The following FMNL2 variants were observed in gnomAD, a reference collection of about 807,000 sequenced individuals.
The protein encoded by FMNL2 is formin like 2.
FMNL2 carries 51 observed loss-of-function variants against 130.2 expected under a neutral mutation model. That is an observed-to-expected ratio of 0.39 (90% CI 0.31 to 0.49). The LOEUF (loss-of-function observed/expected upper bound fraction) is 0.49. FMNL2 is among the 20% of genes least tolerant of loss of function. FMNL2 has a pLI of 0.85. For missense variants in FMNL2, 977 were observed against 1,316.2 expected, an observed-to-expected ratio of 0.74 and a Z score of 3.99; for synonymous variants, 465 against 467.1, an observed-to-expected ratio of 1.00 and a Z score of 0.06.
Position 152,335,579 on chromosome 2 carries a change from C to T in FMNL2, c.-25C>T, listed in dbSNP as rs755379053. The T allele has an allele frequency of 1.3e-6, 2 of 1,561,918 alleles. No individual in the cohort carries two copies. The highest frequency in any genetic ancestry group is 1.1e-5 in the South Asian group (1 of 88,530). On this transcript the variant is annotated 5_prime_UTR_variant, in exon 1 of 26. Coordinates refer to ENST00000288670, the MANE Select transcript of FMNL2 (RefSeq NM_052905.4). The stretch of plus-strand genomic sequence containing the variant: ...CGCGCACGCTAGGGGCCCGGAGCAG[C>T]CCCCGGCCCCGGCGCGCCGCCGACA...
At chr2:152,434,134 T>C (rs565419130) in intron 1 of FMNL2, among the ~76,000 whole-genome samples, 1 of 152,268 alleles carries the variant, frequency 6.6e-6, no homozygotes, top group Admixed American at 6.5e-5. Flanking sequence ...CTCTTCAAAT[T>C]ATTGAAAGTT....
chr2:152,606,016 A>C (rs1054178878), intron 9 of FMNL2, among the ~76,000 whole-genome samples: 1 of 152,252 alleles, frequency 6.6e-6, no homozygotes, highest in African/African-American at 2.4e-5. Context: ...CTTACAATGT[A>C]CTAAGCATTG....
intron 13 of FMNL2, among the ~76,000 whole-genome samples, chr2:152,617,764 G>T (rs892746868): frequency 2.6e-5 from 4 of 152,196 alleles, no homozygotes; most frequent in Admixed American, 2.0e-4. Context: ...TATTTATGGA[G>T]TGCCATCCCT....
chr2:152,489,798 G>A (rs1691040184), intron 1 of FMNL2, among the ~76,000 whole-genome samples: 1 of 152,158 alleles, frequency 6.6e-6, no homozygotes, highest in Non-Finnish European at 1.5e-5. Flanking sequence ...TTCATCTTGA[G>A]CTGAGGAGAT....
chr2:152,506,616 T>C (rs1250306425), intron 1 of FMNL2, among the ~76,000 whole-genome samples: 2 of 152,078 alleles, frequency 1.3e-5, no homozygotes, highest in Non-Finnish European at 2.9e-5. Flanking sequence ...TGCGGGAAAG[T>C]AGTAATATCA....
chr2:152,517,438 C>A (rs1489286822), intron 1 of FMNL2, among the ~76,000 whole-genome samples: 1 of 152,124 alleles, frequency 6.6e-6, no homozygotes, highest in Non-Finnish European at 1.5e-5. Flanking sequence ...TCTTGAAGCA[C>A]TCAGTCCAGT....
intron 1 of FMNL2, among the ~76,000 whole-genome samples, chr2:152,454,119 C>CAA (rs112585417): frequency 6.6e-6 from 1 of 151,828 alleles, no homozygotes; most frequent in South Asian, 2.1e-4. Context: ...GCTAAAAATA[C>CAA]AAAAAAATTT....
At chr2:152,432,633 C>T (rs949987258) in intron 1 of FMNL2, among the ~76,000 whole-genome samples, 2 of 152,202 alleles carry the variant, frequency 1.3e-5, no homozygotes, top group African/African-American at 4.8e-5. Flanking sequence ...ATAGACTTCC[C>T]TGCCATTGCA....
chr2:152,531,433 G>A (rs1001857622), intron 2 of FMNL2, among the ~76,000 whole-genome samples: 2 of 152,004 alleles, frequency 1.3e-5, no homozygotes, highest in African/African-American at 2.4e-5. Flanking sequence ...AATTTGAAGG[G>A]GTGTTTGTGT....
chr2:152,367,572 A>G (rs1345041590), intron 1 of FMNL2, among the ~76,000 whole-genome samples: 2 of 152,180 alleles, frequency 1.3e-5, no homozygotes, highest in South Asian at 2.1e-4. Flanking sequence ...GAGCACTGGT[A>G]ATTTGTAGAA....
At position 152,375,877 on chromosome 2, in the gene FMNL2, C is replaced by CTCTCTCTCTCTCTCTATATA. The variant is rs796954245; in HGVS notation, c.117+40158_117+40159insCTCTCTCTCTCTCTATATAT. 1.6e-4 allele frequency among the ~76,000 whole-genome samples: 18 copies of CTCTCTCTCTCTCTCTATATA among 112,480 alleles called. No homozygotes were observed. The East Asian group carries it at 5.5e-3, about 34-fold the overall frequency. 73.8% of individuals were successfully genotyped at this position (112,480 alleles called of 152,430 possible). ...TCTCTCTCTCTCTCTCTCTCTCTCT[C>CTCTCTCTCTCTCTCTATATA]TATATATATATATATATATAATTAT... On this transcript the variant is annotated intron_variant, in intron 1 of 25. Transcript: ENST00000288670.
chr2:152,479,181 T>C (rs970052191), intron 1 of FMNL2, among the ~76,000 whole-genome samples: 1 of 152,198 alleles, frequency 6.6e-6, no homozygotes, highest in Non-Finnish European at 1.5e-5. Flanking sequence ...TCGAGTTCAC[T>C]GATGTGATCA....
At chr2:152,611,136 T>C (rs1343220170) in intron 10 of FMNL2, among the ~76,000 whole-genome samples, 1 of 152,104 alleles carries the variant, frequency 6.6e-6, no homozygotes, top group Non-Finnish European at 1.5e-5. Context: ...GTCAGGTGTT[T>C]GAGACCAGCC....
chr2:152,570,493 G>A (rs1203133669), intron 6 of FMNL2, among the ~76,000 whole-genome samples: 1 of 152,144 alleles, frequency 6.6e-6, no homozygotes, highest in African/African-American at 2.4e-5. Context: ...CTGTCTCTGG[G>A]AAGCCCTTCT....
intron 1 of FMNL2, among the ~76,000 whole-genome samples, chr2:152,486,954 G>A (rs910115579): frequency 6.6e-6 from 1 of 152,186 alleles, no homozygotes; most frequent in African/African-American, 2.4e-5. Context: ...GTTTTCTTCT[G>A]TGTGTGTTAA....
intron 6 of FMNL2, among the ~76,000 whole-genome samples, chr2:152,569,897 G>A (rs1013591924): frequency 2.6e-5 from 4 of 151,572 alleles, no homozygotes; most frequent in Admixed American, 6.6e-5. Flanking sequence ...TGTAATCTCA[G>A]CTACTTGGGA....
chr2:152,438,132 A>G (rs980495324), intron 1 of FMNL2, among the ~76,000 whole-genome samples: 1 of 152,240 alleles, frequency 6.6e-6, no homozygotes, highest in Admixed American at 6.5e-5. Flanking sequence ...AGAAAAGGAA[A>G]AATTGGATAA....
intron 1 of FMNL2, among the ~76,000 whole-genome samples, chr2:152,393,162 G>A (rs771713616): frequency 6.6e-6 from 1 of 152,112 alleles, no homozygotes; most frequent in Non-Finnish European, 1.5e-5. Context: ...TGTAGTACAT[G>A]TAAGACACTG....
intron 3 of FMNL2, among the ~76,000 whole-genome samples, chr2:152,547,988 GA>G (rs1694738955): frequency 6.6e-6 from 1 of 152,182 alleles, no homozygotes; most frequent in Non-Finnish European, 1.5e-5. Flanking sequence ...TGATATCTTG[GA>G]AATGATTTAG....
Sources: gnomAD v4.1 joint callset for allele counts (sites outside exome capture counted in the v4.1 genomes callset) on GRCh38, gnomAD v4.1.1 for gene constraint, MANE v1.5 for transcripts, NCBI Gene and HGNC (gene_info 2026-07-23, HGNC 2026-07-21) for gene names.